The following ZNF532 variants were observed in gnomAD, a reference collection of about 807,000 sequenced individuals.
ZNF532 encodes zinc finger protein 532.
ZNF532 carries 22 observed loss-of-function variants against 89.3 expected under a neutral mutation model. That is an observed-to-expected ratio of 0.25 (90% CI 0.18 to 0.35). The LOEUF is 0.35. ZNF532 is among the 10% of genes least tolerant of loss of function. The probability of loss-of-function intolerance (pLI) is 1.00; values close to 1 mark genes in which losing one functional copy is unlikely to be tolerated. For synonymous variants in ZNF532, 606 were observed against 649.6 expected (o/e 0.93, Z 1.02); for missense variants, 1,132 against 1,643.4 (o/e 0.69, Z 5.38).
intron 7 of ZNF532, among the ~76,000 whole-genome samples, chr18:58,961,654 A>G (rs2065358624): frequency 6.6e-6 from 1 of 152,202 alleles, no homozygotes. Flanking sequence ...CTAAACAGGG[A>G]AAGGTTCCAT....
chr18:58,939,690 G>A lies in ZNF532; in HGVS notation c.2705+69G>A, dbSNP rs146797184. 715 of 1,439,478 alleles carry A rather than the reference G, an allele frequency of 5.0e-4. 2 individuals are homozygous for A. In the African/African-American group the frequency reaches 8.2e-3, roughly 16 times the overall value. 89.2% of individuals were successfully genotyped at this position (1,439,478 alleles called of 1,614,324 possible). ...GCAATTTAGAAGCAAGGTAGTAGTC[G>A]TTCTATTGAATAACATTTACCAAGA... On this transcript the variant is annotated intron_variant, in intron 5 of 9. Transcript: ENST00000591808.
intron 5 of ZNF532, among the ~76,000 whole-genome samples, chr18:58,947,729 T>TAA (rs143986556): frequency 2.6e-5 from 4 of 151,338 alleles, no homozygotes; most frequent in Non-Finnish European, 5.9e-5. Flanking sequence ...AAAAAATCTT[T>TAA]AAAAAAAAAG....
intron 2 of ZNF532, among the ~76,000 whole-genome samples, chr18:58,894,954 C>T (rs2059151434): frequency 6.6e-6 from 1 of 152,130 alleles, no homozygotes; most frequent in African/African-American, 2.4e-5. Context: ...TAGGCCTTGT[C>T]TCTGTAGTTT....
intron 2 of ZNF532, among the ~76,000 whole-genome samples, chr18:58,906,882 T>C (rs1423007151): frequency 6.6e-6 from 1 of 152,238 alleles, no homozygotes; most frequent in Non-Finnish European, 1.5e-5. Context: ...TGATTTGTCT[T>C]TTATTACAGC....
chr18:58,873,479 T>C (rs1241965067), intron 2 of ZNF532, among the ~76,000 whole-genome samples: 1 of 152,052 alleles, frequency 6.6e-6, no homozygotes, highest in Non-Finnish European at 1.5e-5. Flanking sequence ...GATGAAGTCT[T>C]GCTCTGTCGC....
At chr18:58,888,891 T>TTTTA (rs1555709739) in intron 2 of ZNF532, among the ~76,000 whole-genome samples, 2 of 37,266 alleles carry the variant, frequency 5.4e-5, no homozygotes, top group East Asian at 1.2e-3. Context: ...TATATATATT[T>TTTTA]TATATATATA....
rs138719438 is a variant in ZNF532, at chr18:58,953,727, G to A, written c.3078G>A (p.Thr1026=). The A allele has an allele frequency of 1.2e-5, 19 of 1,613,978 alleles. No individual in the cohort carries two copies. The East Asian group carries it at 1.3e-4, about 11-fold the overall frequency. ...AGAAAGTGGCCAGTCCTGGGTGGAC[G>A]TGTTGGGAGTGTGACTGCCTGTTCA... The part of the protein sequence containing the change: ...ETKKVASPGW[T]CWECDCLFMQ... Residue 1026 remains threonine, a synonymous_variant, in exon 7 of 10, where the codon ACG becomes ACA. Transcript: ENST00000591808.
At chr18:58,888,854 A>T (rs1212185349) in intron 2 of ZNF532, among the ~76,000 whole-genome samples, 7 of 41,304 alleles carry the variant, frequency 1.7e-4, no homozygotes, top group African/African-American at 6.7e-4. Context: ...TATATATATA[A>T]TTTATATATA....
In ZNF532 at chr18:58,919,428, T is replaced by C; in HGVS notation, c.1141T>C (p.Leu381=). 1.2e-6 allele frequency: 2 copies of C among 1,614,214 alleles called. No homozygotes were observed. The highest frequency in any genetic ancestry group is 1.7e-5 in the Admixed American group (1 of 60,030). Residue 381 remains leucine, a synonymous_variant, in exon 3 of 10, where the codon TTG becomes CTG. Transcript: ENST00000591808. This position sits in a 1 kb window ranked among gnomAD's most constrained non-coding sequence, Gnocchi z 6.1. The part of the protein sequence containing the change: ...GEIKRTVTRV[L]PEVDLDSGKK... ...AATCAAGAGAACAGTGACCAGGGTA[T>C]TGCCAGAAGTGGATCTTGACTCTGG...
Position 58,927,030 on chromosome 18 carries a change from G to T in ZNF532, c.2346+6397G>T, listed in dbSNP as rs146715826. ...GATAGGTTGATACTCACTTTTTAAA[G>T]AATTGAGAAGTATTCCCTCCTTCAA... On this transcript the variant is annotated intron_variant, in intron 3 of 9. Transcript: ENST00000591808. Among the ~76,000 whole-genome samples the T allele has an allele frequency of 2.5e-4, 38 of 152,306 alleles. 1 individual carries two copies. The East Asian group carries it at 6.9e-3, about 28-fold the overall frequency.
intron 2 of ZNF532, among the ~76,000 whole-genome samples, chr18:58,913,793 G>A (rs2060428818): frequency 6.6e-6 from 1 of 152,072 alleles, no homozygotes; most frequent in Admixed American, 6.6e-5. Flanking sequence ...ACTTTGATTT[G>A]TTTTTCTCTA....
intron 2 of ZNF532, among the ~76,000 whole-genome samples, chr18:58,886,998 A>G (rs1751272843): frequency 6.6e-6 from 1 of 152,234 alleles, no homozygotes; most frequent in South Asian, 2.1e-4. Context: ...CCCTGCCCAG[A>G]GCTCATTTTC....
At chr18:58,930,394 A>C (rs551822235) in intron 3 of ZNF532, among the ~76,000 whole-genome samples, 1 of 152,254 alleles carries the variant, frequency 6.6e-6, no homozygotes, top group African/African-American at 2.4e-5. Flanking sequence ...TGGGAGGCCA[A>C]AGTGGGCGGA....
chr18:58,875,522 C>A (rs1157109912), intron 2 of ZNF532, among the ~76,000 whole-genome samples: 1 of 152,122 alleles, frequency 6.6e-6, no homozygotes. Flanking sequence ...GCTAGTTTGG[C>A]CCCTTTTTCT....
chr18:58,964,266 A>T (rs557071832), intron 7 of ZNF532: 3 of 152,198 alleles, frequency 2.0e-5, no homozygotes, highest in South Asian at 4.1e-4. Flanking sequence ...AAAATTTTTT[A>T]AAAAACCAGT....
intron 7 of ZNF532, among the ~76,000 whole-genome samples, chr18:58,963,809 G>GA (rs1280644808): frequency 7.4e-6 from 1 of 135,202 alleles, no homozygotes; most frequent in Non-Finnish European, 1.5e-5. Context: ...GCAACAGAGT[G>GA]AGACCCTGTC....
chr18:58,979,025 C>G (rs1217231317), intron 7 of ZNF532, 30 bp from the exon 8 acceptor site: 1 of 1,556,534 alleles, frequency 6.4e-7, no homozygotes, highest in East Asian at 2.3e-5. Flanking sequence ...ATTTTCATTC[C>G]CTTAAGTGAA....
At chr18:58,888,931 ATCCC>A (rs2058697049) in intron 2 of ZNF532, among the ~76,000 whole-genome samples, 1 of 107,568 alleles carries the variant, frequency 9.3e-6, no homozygotes, top group Non-Finnish European at 1.8e-5. Flanking sequence ...CAGGCTGAGT[ATCCC>A]TTATCCGTAA....
chr18:58,918,317 C>T lies in ZNF532; in HGVS notation c.30C>T (p.Asp10=), dbSNP rs150041252. The change falls in exon 3 of 10, where the codon GAC becomes GAT. Residue 10 remains aspartate, a synonymous_variant. Coordinates refer to ENST00000591808, the MANE Select transcript of ZNF532 (RefSeq NM_001375912.1). The part of the protein sequence containing the change: MTMGDMKTP[D]FDDLLAAFDI... ...CCATGGGGGATATGAAGACCCCAGA[C>T]TTTGATGACCTCCTGGCAGCATTTG... 9.9e-6 allele frequency: 16 copies of T among 1,614,056 alleles called. No individual in the cohort carries two copies. The African/African-American group carries it at 2.0e-4, about 20-fold the overall frequency.
Sources: allele counts gnomAD v4.1 joint callset (sites outside exome capture counted in the v4.1 genomes callset), GRCh38; gene constraint gnomAD v4.1.1; non-coding constraint Gnocchi (gnomAD v3.1); transcripts MANE v1.5; gene names NCBI Gene and HGNC (gene_info 2026-07-23, HGNC 2026-07-21).